Variants in MDGA2 observed in about 807,000 individuals in gnomAD.
MDGA2 encodes the protein MAM domain-containing glycosylphosphatidylinositol anchor protein 2.
In MDGA2, 40 loss-of-function variants were observed where a neutral mutation model predicts 117.8. That is an observed-to-expected ratio of 0.34 (90% confidence interval 0.26 to 0.44). The LOEUF (loss-of-function observed/expected upper bound fraction) is 0.44. MDGA2 is among the 20% of genes least tolerant of loss of function. The pLI, the probability that MDGA2 is intolerant of heterozygous loss-of-function variation, is 1.00. For synonymous variants in MDGA2, 452 were observed against 439.0 expected (o/e 1.03, Z -0.37); for missense variants, 1,123 against 1,250.6 (o/e 0.90, Z 1.54).
At chr14:47,081,684 T>C (rs539945519) in intron 6 of MDGA2, among the ~76,000 whole-genome samples, 2 of 152,258 alleles carry the variant, frequency 1.3e-5, no homozygotes, top group African/African-American at 4.8e-5. Context: ...GTATGAATGG[T>C]TCCTAAATTA....
At chr14:47,656,075 T>G (rs1897737991) in intron 1 of MDGA2, among the ~76,000 whole-genome samples, 1 of 152,314 alleles carries the variant, frequency 6.6e-6, no homozygotes, top group South Asian at 2.1e-4. Context: ...ACTGGGAACT[T>G]ACTTAGGCAG....
At chr14:46,871,452 G>T (rs1473699148) in intron 14 of MDGA2, 1 of 151,848 alleles carries the variant, frequency 6.6e-6, no homozygotes, top group East Asian at 1.9e-4. Flanking sequence ...AAAGTCCTTT[G>T]TATTTCAATT....
chr14:47,615,421 G>A (rs1480572871), intron 1 of MDGA2, among the ~76,000 whole-genome samples: 1 of 152,156 alleles, frequency 6.6e-6, no homozygotes, highest in African/African-American at 2.4e-5. Flanking sequence ...CAAGATAAAT[G>A]TAAAGTGTAT....
intron 3 of MDGA2, among the ~76,000 whole-genome samples, chr14:47,170,038 C>T (rs562299723): frequency 5.3e-5 from 8 of 152,156 alleles, no homozygotes; most frequent in South Asian, 2.1e-4. Flanking sequence ...TGCAACAATC[C>T]GGAGTTAATC....
At chr14:46,959,275 G>C (rs896697018) in intron 8 of MDGA2, among the ~76,000 whole-genome samples, 1 of 144,884 alleles carries the variant, frequency 6.9e-6, no homozygotes, top group Non-Finnish European at 1.5e-5. Context: ...GTGTGTGTGT[G>C]TGTGTGTGTG....
intron 1 of MDGA2, among the ~76,000 whole-genome samples, chr14:47,602,478 T>C (rs1896666460): frequency 6.6e-6 from 1 of 150,626 alleles, no homozygotes; most frequent in Admixed American, 6.6e-5. Flanking sequence ...AAAAAAAAAA[T>C]CACAATTTTT....
At chr14:46,858,070 TTATA>T (rs1200478366) in intron 14 of MDGA2, among the ~76,000 whole-genome samples, 1 of 151,388 alleles carries the variant, frequency 6.6e-6, no homozygotes, top group Non-Finnish European at 1.5e-5. Flanking sequence ...ATAAAAGTAC[TTATA>T]TATAATGTAA....
chr14:47,633,792 C>G (rs1302059689), intron 1 of MDGA2, among the ~76,000 whole-genome samples: 1 of 152,104 alleles, frequency 6.6e-6, no homozygotes, highest in East Asian at 1.9e-4. Flanking sequence ...ACCATTTACC[C>G]TGGGTCTAAT....
chr14:47,110,266 A>C (rs1880967461), intron 5 of MDGA2, among the ~76,000 whole-genome samples: 1 of 152,160 alleles, frequency 6.6e-6, no homozygotes, highest in Admixed American at 6.5e-5. Context: ...ACTCAGCCGA[A>C]TGTTGACTCT....
At chr14:46,894,239 T>C (rs1882993560) in intron 10 of MDGA2, among the ~76,000 whole-genome samples, 1 of 152,166 alleles carries the variant, frequency 6.6e-6, no homozygotes, top group South Asian at 2.1e-4. Context: ...TCCCAGGTCA[T>C]ACAGTTGGTA....
At chr14:47,199,245 T>G (rs574690348) in intron 3 of MDGA2, among the ~76,000 whole-genome samples, 2 of 152,122 alleles carry the variant, frequency 1.3e-5, no homozygotes, top group South Asian at 4.1e-4. Flanking sequence ...AATAGTATTT[T>G]CACATCTGAT....
intron 2 of MDGA2, among the ~76,000 whole-genome samples, chr14:47,247,156 C>G (rs1887268055): frequency 6.6e-6 from 1 of 151,676 alleles, no homozygotes; most frequent in Non-Finnish European, 1.5e-5. Context: ...TTAAACCTTG[C>G]AGGACAAGAG....
At chr14:47,444,580 T>C (rs1274305258) in intron 1 of MDGA2, 1 of 152,846 alleles carries the variant, frequency 6.5e-6, no homozygotes, top group African/African-American at 2.4e-5. Context: ...AACGGTGATT[T>C]GATTGCCTGT....
rs191196759 is a variant in MDGA2 at position 46,978,503 on chromosome 14, C to G, written c.1820-20860G>C. ...TAGTGGATGCTCTCATGATATACTTCAAAATAGTCAACAACTATAAAAATA... is the reference window on the plus strand; with the variant it reads ...TAGTGGATGCTCTCATGATATACTTGAAAATAGTCAACAACTATAAAAATA... On this transcript the variant is annotated intron_variant, in intron 8 of 16. Coordinates refer to ENST00000399232, the MANE Select transcript of MDGA2 (RefSeq NM_001113498.3). Among the ~76,000 whole-genome samples the G allele has an allele frequency of 4.7e-4, 72 of 152,110 alleles. 1 individual carries two copies. Among genetic ancestry groups the G allele is most frequent in the African/African-American group, 1.6e-3 (65 of 41,524 alleles).
chr14:47,625,605 A>C (rs1317439750), intron 1 of MDGA2, among the ~76,000 whole-genome samples: 2 of 152,214 alleles, frequency 1.3e-5, no homozygotes, highest in Non-Finnish European at 2.9e-5. Flanking sequence ...TTCACATGAA[A>C]CATTTTTAGA....
intron 1 of MDGA2, among the ~76,000 whole-genome samples, chr14:47,416,624 C>T (rs971902677): frequency 1.2e-4 from 19 of 152,162 alleles, no homozygotes; most frequent in Admixed American, 2.6e-4. Flanking sequence ...TGGGATGGCC[C>T]TCTGAGTGAG....
chr14:46,851,543 C>A (rs1881055954), intron 15 of MDGA2, among the ~76,000 whole-genome samples: 1 of 151,786 alleles, frequency 6.6e-6, no homozygotes, highest in African/African-American at 2.4e-5. Context: ...TTCAGCTAAG[C>A]AAACTAATTG....
At chr14:47,601,654 T>C (rs1281695198) in intron 1 of MDGA2, among the ~76,000 whole-genome samples, 1 of 152,162 alleles carries the variant, frequency 6.6e-6, no homozygotes, top group Non-Finnish European at 1.5e-5. Context: ...GTTATATACA[T>C]AGTTGAGATA....
intron 3 of MDGA2, among the ~76,000 whole-genome samples, chr14:47,172,462 A>G (rs1313185503): frequency 6.6e-6 from 1 of 151,998 alleles, no homozygotes; most frequent in Non-Finnish European, 1.5e-5. Flanking sequence ...TTCCAGCGGA[A>G]CGATCAGAGA....
Sources: allele counts gnomAD v4.1 joint callset (sites outside exome capture counted in the v4.1 genomes callset), GRCh38; gene constraint gnomAD v4.1.1; transcripts MANE v1.5; gene names NCBI Gene and HGNC (gene_info 2026-07-23, HGNC 2026-07-21).